VWCE: variants seen among roughly 807,000 people sequenced by gnomAD.
The protein encoded by VWCE is von Willebrand factor C and EGF domain-containing protein.
Under a neutral mutation model 102.9 loss-of-function variants are expected in VWCE, and 68 were observed. That is an observed-to-expected ratio of 0.66 (90% CI 0.54 to 0.81). The LOEUF (loss-of-function observed/expected upper bound fraction) is 0.81, where lower values mean the gene tolerates loss of function less well. Among genes scored for constraint, VWCE ranks in the 30% least tolerant of loss-of-function variants. The probability of loss-of-function intolerance (pLI) is 0.00; values close to 1 mark genes in which losing one functional copy is unlikely to be tolerated. For missense variants in VWCE, 1,137 were observed against 1,263.6 expected, an observed-to-expected ratio of 0.90 and a Z score of 1.52; for synonymous variants, 497 against 515.4, an observed-to-expected ratio of 0.96 and a Z score of 0.48.
intron 11 of VWCE, among the ~76,000 whole-genome samples, chr11:61,275,919 G>T (rs141133582): frequency 6.6e-6 from 1 of 152,344 alleles, no homozygotes; most frequent in East Asian, 1.9e-4. Context: ...TGCCTCCTAA[G>T]GCAGGGGAAA....
In VWCE at chr11:61,281,096, G is replaced by A. The variant is rs770410807; in HGVS notation, c.927C>T (p.Pro309=). 4.3e-6 allele frequency: 7 copies of A among 1,610,002 alleles called. No individual in the cohort carries two copies. The highest frequency in any genetic ancestry group is 4.0e-5 in the African/African-American group (3 of 74,752). ...GHSPPSGAPG[P]PAGVRTTRLP... is the part of the protein sequence containing the mutation. ...GGCGGGTGGTCCTGACTCCGGCTGGGGGCCCTGGAGCCCCAGAAGGAGGGC... is the reference window on the plus strand; with the variant it reads ...GGCGGGTGGTCCTGACTCCGGCTGGAGGCCCTGGAGCCCCAGAAGGAGGGC... Residue 309 remains proline, a synonymous_variant, in exon 8 of 20, where the codon CCC becomes CCT. Transcript: ENST00000335613.
Position 61,294,995 on chromosome 11 carries a change from GGAGCGC to G in VWCE, c.37_42del (p.Ala13_Leu14del). 1 of 1,473,726 alleles carries G rather than the reference GGAGCGC, an allele frequency of 6.8e-7. No homozygotes were observed. The allele number at this position is 1,473,726 out of a possible 1,614,324, so 91.3% of individuals were successfully genotyped here. On this transcript the variant is annotated inframe_deletion, in exon 1 of 20. Coordinates refer to ENST00000335613, the MANE Select transcript of VWCE (RefSeq NM_152718.2). The surrounding 1 kb of genome is among the most constrained non-coding windows in gnomAD (Gnocchi z 6.3). Reference sequence around the variant, plus strand: ...CCTCGGGCTGGTGCCCCCGGCAGCAGGAGCGCGACACAGGCGGCCCGAAGGAGCAGT... The same window carrying G: ...CCTCGGGCTGGTGCCCCCGGCAGCAGGACACAGGCGGCCCGAAGGAGCAGT...
intron 9 of VWCE, 134 bp from the exon 10 acceptor site, chr11:61,278,610 T>C: frequency 1.3e-6 from 1 of 776,262 alleles, no homozygotes; most frequent in Middle Eastern, 2.4e-4. Context: ...GAGTGGTAGA[T>C]TCAGGGTACT....
intron 5 of VWCE, 98 bp downstream of exon 5, chr11:61,286,216 C>T (rs1855314395): frequency 1.7e-6 from 2 of 1,146,290 alleles, no homozygotes; most frequent in Admixed American, 1.7e-5. Context: ...AATGCAGTGG[C>T]ACACAGAGCA....
chr11:61,281,798 C>T lies in VWCE; in HGVS notation c.775G>A (p.Val259Met), dbSNP rs779785266. The T allele has an allele frequency of 1.2e-5, 19 of 1,612,582 alleles. No homozygotes were observed. In the African/African-American group the frequency reaches 1.3e-4, roughly 11 times the overall value. Residue 259 changes from valine to methionine, a missense_variant, in exon 7 of 20, where the codon GTG (valine) becomes ATG (methionine). Coordinates refer to ENST00000335613, the MANE Select transcript of VWCE (RefSeq NM_152718.2). ...RPGFRLRADR[V>M]SCEAFPKAVL... ...GCCTGGCGCTCACCTTCACAGGACACGCGGTCAGCTCGGAGCCTGAAGCCA... is the reference window on the plus strand; with the variant it reads ...GCCTGGCGCTCACCTTCACAGGACATGCGGTCAGCTCGGAGCCTGAAGCCA...
chr11:61,271,568 T>C lies in VWCE; in HGVS notation c.1785+107A>G, dbSNP rs968422065. On this transcript the variant is annotated intron_variant, in intron 14 of 19. Transcript: ENST00000335613. Reference sequence around the variant, plus strand: ...GAACTTGACAGCACCGGAGGGAGACTGCGGCCAGCCTGAGGCCAGCCTCTG... The same window carrying C: ...GAACTTGACAGCACCGGAGGGAGACCGCGGCCAGCCTGAGGCCAGCCTCTG... 10 of 1,066,646 alleles carry C rather than the reference T, an allele frequency of 9.4e-6. No individual in the cohort carries two copies. The Admixed American group carries it at 1.0e-4, about 11-fold the overall frequency. The allele number at this position is 1,066,646 out of a possible 1,614,324, so 66.1% of individuals were successfully genotyped here.
intron 9 of VWCE, 61 bp from the exon 10 acceptor site, chr11:61,278,537 G>T: frequency 6.7e-7 from 1 of 1,494,924 alleles, no homozygotes. Context: ...GAAACTTGAG[G>T]TCTCGCTGCT....
At chr11:61,284,303 G>C (rs1415764971) in intron 5 of VWCE, among the ~76,000 whole-genome samples, 1 of 152,172 alleles carries the variant, frequency 6.6e-6, no homozygotes, top group Non-Finnish European at 1.5e-5. Context: ...CAATAAAATG[G>C]AGATAGATAA....
chr11:61,277,313 TTA>T lies in VWCE; in HGVS notation c.1408-635_1408-634del, dbSNP rs1854959834. Among the ~76,000 whole-genome samples the T allele has an allele frequency of 4.6e-5, 7 of 151,834 alleles. No homozygotes were observed. The South Asian group carries it at 1.5e-3, about 32-fold the overall frequency. On this transcript the variant is annotated intron_variant, in intron 10 of 19. Transcript: ENST00000335613. ...CCTTTGATGCCAGAGCAAGAGACACTTAAAGATGGTCATGACCCGGTGCAGTG... is the reference window on the plus strand; with the variant it reads ...CCTTTGATGCCAGAGCAAGAGACACTAAGATGGTCATGACCCGGTGCAGTG...
intron 5 of VWCE, among the ~76,000 whole-genome samples, chr11:61,286,042 A>G (rs1330166659): frequency 6.6e-6 from 1 of 152,106 alleles, no homozygotes; most frequent in Non-Finnish European, 1.5e-5. Flanking sequence ...ATGTGAGTCA[A>G]CCCACCAGGC....
chr11:61,264,490 G>A lies in VWCE; in HGVS notation c.2227C>T (p.Pro743Ser). The part of the protein sequence containing the change: ...LLPGDCCSSC[P>S]DSLSPLEEKQ... ...CAGGACCCAGAGACCCACTTACCTG[G>A]ACAGGAAGAGCAGCAGTCCCCAGGA... Residue 743 changes from proline to serine, a missense_variant, in exon 19 of 20, where the codon CCA (proline) becomes TCA (serine). Pro to Ser is a moderately conservative substitution (Grantham distance 74). Coordinates refer to ENST00000335613, the MANE Select transcript of VWCE (RefSeq NM_152718.2). 1 of 1,613,316 alleles carries A rather than the reference G, an allele frequency of 6.2e-7. No individual in the cohort carries two copies. The highest frequency in any genetic ancestry group is 8.5e-7 in the Non-Finnish European group (1 of 1,179,710).
chr11:61,272,970 C>T (rs1446949356), intron 13 of VWCE, among the ~76,000 whole-genome samples: 1 of 151,966 alleles, frequency 6.6e-6, no homozygotes, highest in Non-Finnish European at 1.5e-5. Flanking sequence ...ACCACTAACA[C>T]ACCAACACAC....
At chr11:61,282,697 T>A (rs1855179473) in intron 6 of VWCE, 92 bp downstream of exon 6, 4 of 1,033,988 alleles carry the variant, frequency 3.9e-6, no homozygotes, top group Non-Finnish European at 5.9e-6. Context: ...CCAGAAAGTC[T>A]AATTGTTAAC....
At chr11:61,270,672 C>G (rs1854659608) in intron 14 of VWCE, among the ~76,000 whole-genome samples, 1 of 152,142 alleles carries the variant, frequency 6.6e-6, no homozygotes, top group Non-Finnish European at 1.5e-5. Flanking sequence ...ATGAAGAAAA[C>G]ATTGCAATTT....
At position 61,276,700 on chromosome 11, in the gene VWCE, G is replaced by A. The variant is rs1329351456; in HGVS notation, c.1408-20C>T. Reference sequence around the variant, plus strand: ...TCCAGCCTGAGGAGGAGGCAAGAGAGGGCACTGGGGGTGCGGGTGTGGAAC... The same window carrying A: ...TCCAGCCTGAGGAGGAGGCAAGAGAAGGCACTGGGGGTGCGGGTGTGGAAC... On this transcript the variant is annotated intron_variant, in intron 10 of 19. Transcript: ENST00000335613. The A allele has an allele frequency of 6.3e-7, 1 of 1,577,108 alleles. No individual in the cohort carries two copies. Among genetic ancestry groups the A allele is most frequent in the Non-Finnish European group, 8.6e-7 (1 of 1,161,492 alleles).
intron 9 of VWCE, 151 bp from the exon 10 acceptor site, chr11:61,278,627 G>A (rs1855009134): frequency 1.1e-5 from 8 of 702,680 alleles, no homozygotes; most frequent in Admixed American, 2.5e-5. Context: ...TACTCTGACT[G>A]TGTGGTCCTG....
In VWCE at chr11:61,258,377, C is replaced by T. The variant is rs1170489868; in HGVS notation, c.*298G>A. On this transcript the variant is annotated 3_prime_UTR_variant, in exon 20 of 20. Coordinates refer to ENST00000335613, the MANE Select transcript of VWCE (RefSeq NM_152718.2). ...CCCAGTGAGTGGAATCCCAGCCGGA[C>T]GCAACTCTTCCTCCAGGAGAACTTG... is the stretch of plus-strand genomic sequence containing the variant. 4 of 263,858 alleles carry T rather than the reference C, an allele frequency of 1.5e-5. No individual in the cohort carries two copies. Among genetic ancestry groups the T allele is most frequent in the South Asian group, 1.7e-4 (1 of 5,794 alleles). The allele number at this position is 263,858 out of a possible 1,614,324, so 16.3% of individuals were successfully genotyped here. A position where few individuals can be genotyped will look rare whatever the true frequency, so the allele number is the denominator to read the frequency against.
intron 19 of VWCE, among the ~76,000 whole-genome samples, chr11:61,262,245 C>T (rs564001531): frequency 3.3e-5 from 5 of 152,128 alleles, no homozygotes; most frequent in Non-Finnish European, 7.4e-5. Flanking sequence ...TGAGCCACCA[C>T]GCCAGACCTG....
intron 16 of VWCE, among the ~76,000 whole-genome samples, chr11:61,265,906 C>T (rs552395895): frequency 9.9e-5 from 15 of 152,022 alleles, no homozygotes; most frequent in African/African-American, 3.4e-4. Context: ...ATTAGCTGGG[C>T]GTGGTGGTGC....
Sources: allele counts gnomAD v4.1 joint callset (sites outside exome capture counted in the v4.1 genomes callset), GRCh38; gene constraint gnomAD v4.1.1; non-coding constraint Gnocchi (gnomAD v3.1); transcripts MANE v1.5; gene names NCBI Gene and HGNC (gene_info 2026-07-23, HGNC 2026-07-21).